KDM4B: variants seen among roughly 807,000 people sequenced by gnomAD.
KDM4B encodes the protein lysine-specific demethylase 4B.
A neutral mutation model predicts 125.2 loss-of-function variants in KDM4B; 32 were observed. That is an observed-to-expected ratio of 0.26 (90% CI 0.19 to 0.34). KDM4B has a LOEUF of 0.34. Ranked by LOEUF, KDM4B falls within the 10% of genes least tolerant of loss-of-function variation. The pLI, the probability that KDM4B is intolerant of heterozygous loss-of-function variation, is 1.00. For missense variants in KDM4B, 1,190 were observed against 1,577.7 expected, an observed-to-expected ratio of 0.75 and a Z score of 4.16; for synonymous variants, 721 against 677.9, an observed-to-expected ratio of 1.06 and a Z score of -0.99.
In KDM4B at chr19:5,144,230, C is replaced by A. The variant is rs2039797368; in HGVS notation, c.2737-18C>A. ...ACACCCGCGCTGACCGCCCCCCACA[C>A]CCTCCGCACCCTCCCAGGTCCAACT... On this transcript the variant is annotated intron_variant, in intron 19 of 22. Coordinates refer to ENST00000159111, the MANE Select transcript of KDM4B (RefSeq NM_015015.3). 2 of 1,592,790 alleles carry A rather than the reference C, an allele frequency of 1.3e-6. No homozygotes were observed. Among genetic ancestry groups the A allele is most frequent in the East Asian group, 2.3e-5 (1 of 43,844 alleles).
chr19:5,137,188 T>C (rs1376345941), intron 15 of KDM4B, 74 bp from the exon 16 acceptor site: 49 of 1,027,028 alleles, frequency 4.8e-5, no homozygotes, highest in Admixed American at 1.9e-4. Flanking sequence ...ACCCGGCCCC[T>C]CCCCCTGAGT....
At chr19:5,036,436 C>G (rs974525945) in intron 3 of KDM4B, among the ~76,000 whole-genome samples, 2 of 152,194 alleles carry the variant, frequency 1.3e-5, no homozygotes. Context: ...GGGGTGTCCC[C>G]GACCACTTGG....
Position 5,144,233 on chromosome 19 carries a change from TC to T in KDM4B, c.2737-13del. On this transcript the variant is annotated splice_polypyrimidine_tract_variant and intron_variant, in intron 19 of 22. Coordinates refer to ENST00000159111, the MANE Select transcript of KDM4B (RefSeq NM_015015.3). ...CCCGCGCTGACCGCCCCCCACACCC[TC>T]CGCACCCTCCCAGGTCCAACTCCTG... 1 of 1,493,616 alleles carries T rather than the reference TC, an allele frequency of 6.7e-7. No homozygotes were observed. Among genetic ancestry groups the T allele is most frequent in the Middle Eastern group, 1.8e-4 (1 of 5,628 alleles). The allele number at this position is 1,493,616 out of a possible 1,614,324, so 92.5% of individuals were successfully genotyped here.
At chr19:5,031,090 C>T (rs2036438692) in intron 2 of KDM4B, among the ~76,000 whole-genome samples, 1 of 152,254 alleles carries the variant, frequency 6.6e-6, no homozygotes, top group South Asian at 2.1e-4. Flanking sequence ...GCCGGTGGCT[C>T]CCTGGGGACA....
chr19:5,153,505 T>C lies in KDM4B; in HGVS notation c.*1994T>C, dbSNP rs995283472. ...GCGGCAAAACCCAGTGCCCTGGTTT[T>C]TCCCCACCCGAGATGAAGGATACGC... On this transcript the variant is annotated 3_prime_UTR_variant, in exon 23 of 23. Coordinates refer to ENST00000159111, the MANE Select transcript of KDM4B (RefSeq NM_015015.3). 7 of 152,268 alleles carry C rather than the reference T, an allele frequency of 4.6e-5. No individual in the cohort carries two copies. The highest frequency in any genetic ancestry group is 8.8e-5 in the Non-Finnish European group (6 of 68,066). 9.4% of individuals were successfully genotyped at this position (152,268 alleles called of 1,614,324 possible). A position where few individuals can be genotyped will look rare whatever the true frequency, so the allele number is the denominator to read the frequency against.
intron 6 of KDM4B, among the ~76,000 whole-genome samples, chr19:5,048,544 G>A (rs1162344338): frequency 6.6e-6 from 1 of 152,026 alleles, no homozygotes; most frequent in Admixed American, 6.5e-5. Context: ...TTTGCCTGGA[G>A]GGCGTGGGAG....
chr19:5,048,637 T>TA (rs373355720), intron 6 of KDM4B, among the ~76,000 whole-genome samples: 2,053 of 151,734 alleles, frequency 0.014, 56 homozygotes, highest in South Asian at 0.064. Flanking sequence ...ACCTCTTCGT[T>TA]AAAAAAAAGC....
At chr19:5,050,728 G>A (rs1446004856) in intron 6 of KDM4B, among the ~76,000 whole-genome samples, 1 of 152,058 alleles carries the variant, frequency 6.6e-6, no homozygotes, top group South Asian at 2.1e-4. Context: ...GTGAAACCCC[G>A]TCTCTACTAA....
At chr19:5,024,785 T>C (rs901186442) in intron 2 of KDM4B, among the ~76,000 whole-genome samples, 4 of 152,018 alleles carry the variant, frequency 2.6e-5, no homozygotes, top group African/African-American at 9.7e-5. Flanking sequence ...CTCGTCCTAC[T>C]AAAAATACAA....
At chr19:5,085,785 G>C (rs577501509) in intron 9 of KDM4B, among the ~76,000 whole-genome samples, 1 of 152,144 alleles carries the variant, frequency 6.6e-6, no homozygotes, top group East Asian at 1.9e-4. Flanking sequence ...TGTGGCCGTC[G>C]GGGGGGTCGG....
chr19:5,093,369 C>G (rs1239776002), intron 9 of KDM4B, among the ~76,000 whole-genome samples: 3 of 152,202 alleles, frequency 2.0e-5, no homozygotes, highest in African/African-American at 7.2e-5. Flanking sequence ...CGTGACCTTG[C>G]CTGGCCTGGC....
intron 9 of KDM4B, among the ~76,000 whole-genome samples, chr19:5,095,219 T>C (rs2038796696): frequency 6.6e-6 from 1 of 152,204 alleles, no homozygotes; most frequent in Non-Finnish European, 1.5e-5. Flanking sequence ...TCCGCCCTGG[T>C]TCCTGGATCA....
At chr19:5,111,320 G>T (rs2039140338) in intron 10 of KDM4B, 9 of 736,230 alleles carry the variant, frequency 1.2e-5, no homozygotes, top group Non-Finnish European at 2.2e-5. Flanking sequence ...ATCGTGGAGA[G>T]GATTTCAGAA....
At position 5,141,213 on chromosome 19, in the gene KDM4B, C is replaced by T. The variant is rs890533413; in HGVS notation, c.2551-2754C>T. ...ACAGAGGCTCATCTGGAAGGGGAGC[C>T]CTCTTTCCTTGTTCGTGGAGTGGAG... is the stretch of plus-strand genomic sequence containing the variant. On this transcript the variant is annotated intron_variant, in intron 18 of 22. Transcript: ENST00000159111. The surrounding 1 kb of genome is among the most constrained non-coding windows in gnomAD (Gnocchi z 6.4). 2 of 152,174 alleles carry T rather than the reference C, an allele frequency of 1.3e-5. No individual in the cohort carries two copies. The highest frequency in any genetic ancestry group is 4.8e-5 in the African/African-American group (2 of 41,430). The allele number at this position is 152,174 out of a possible 1,614,324, so 9.4% of individuals were successfully genotyped here.
chr19:5,144,677 T>G (rs979071510), intron 20 of KDM4B, 106 bp from the exon 21 acceptor site: 2 of 1,500,226 alleles, frequency 1.3e-6, no homozygotes, highest in Non-Finnish European at 1.8e-6. Context: ...GCTTTGGGGC[T>G]TCAGGCAGAG....
At chr19:5,085,794 G>A (rs1022051970) in intron 9 of KDM4B, among the ~76,000 whole-genome samples, 7 of 152,174 alleles carry the variant, frequency 4.6e-5, no homozygotes, top group South Asian at 2.1e-4. Context: ...CGGGGGGGTC[G>A]GTGGCTCTCA....
chr19:5,024,119 GTTTC>G (rs1014208167), intron 2 of KDM4B, among the ~76,000 whole-genome samples: 8 of 152,136 alleles, frequency 5.3e-5, no homozygotes, highest in Non-Finnish European at 1.0e-4. Context: ...TCACCTGGCT[GTTTC>G]TTGGGTGTCC....
intron 3 of KDM4B, among the ~76,000 whole-genome samples, chr19:5,039,075 G>A (rs982353504): frequency 6.6e-6 from 1 of 152,254 alleles, no homozygotes; most frequent in African/African-American, 2.4e-5. Flanking sequence ...GCCAGTGGGT[G>A]CAGTTCTCAC....
chr19:5,060,457 A>G (rs971151033), intron 6 of KDM4B, among the ~76,000 whole-genome samples: 2 of 140,424 alleles, frequency 1.4e-5, no homozygotes, highest in South Asian at 2.2e-4. Context: ...AAAAAAAAAA[A>G]AAAAAAGGGA....
Sources: allele counts gnomAD v4.1 joint callset (sites outside exome capture counted in the v4.1 genomes callset), GRCh38; gene constraint gnomAD v4.1.1; non-coding constraint Gnocchi (gnomAD v3.1); transcripts MANE v1.5; gene names NCBI Gene and HGNC (gene_info 2026-07-23, HGNC 2026-07-21).